Variants in CAMSAP3 observed in about 807,000 individuals in gnomAD.
CAMSAP3 encodes calmodulin-regulated spectrin-associated protein 3.
In CAMSAP3, 34 loss-of-function variants were observed where a neutral mutation model predicts 112.5. That is an observed-to-expected ratio of 0.30 (90% CI 0.23 to 0.40). The LOEUF (loss-of-function observed/expected upper bound fraction) is 0.40, where lower values mean the gene tolerates loss of function less well. CAMSAP3 is among the 10% of genes least tolerant of loss of function. CAMSAP3 has a pLI of 1.00. For synonymous variants in CAMSAP3, 868 were observed against 799.8 expected (o/e 1.09, Z -1.44); for missense variants, 1,602 against 1,770.3 (o/e 0.90, Z 1.71).
Position 7,612,287 on chromosome 19 carries a change from G to C in CAMSAP3, c.1794G>C (p.Ser598=). 1.2e-6 allele frequency: 2 copies of C among 1,601,858 alleles called. No homozygotes were observed. The highest frequency in any genetic ancestry group is 1.7e-6 in the Non-Finnish European group (2 of 1,175,156). The change falls in exon 11 of 17, where the codon TCG becomes TCC. Residue 598 remains serine (S), a synonymous_variant. Transcript: ENST00000160298. The part of the protein sequence containing the change: ...STPAPPEALS[S]EMSELSARLE... ...CGGCCCCGCCGGAGGCCCTGAGCTCGGAGATGAGTGAGCTCAGCGCCCGGC... is the reference window on the plus strand; with the variant it reads ...CGGCCCCGCCGGAGGCCCTGAGCTCCGAGATGAGTGAGCTCAGCGCCCGGC...
In CAMSAP3 at chr19:7,618,061, C is replaced by T. The variant is rs1200692496; in HGVS notation, c.*4C>T. ...GGGCGGCGGCACCCCCAAATAGCCC[C>T]ACCCGGGCGGTCCACGGGCCGGGCC... On this transcript the variant is annotated 3_prime_UTR_variant, in exon 17 of 17. Transcript: ENST00000160298. 1 of 1,609,234 alleles carries T rather than the reference C, an allele frequency of 6.2e-7. No individual in the cohort carries two copies. The highest frequency in any genetic ancestry group is 8.5e-7 in the Non-Finnish European group (1 of 1,177,946).
chr19:7,612,427 C>G lies in CAMSAP3; in HGVS notation c.1934C>G (p.Ala645Gly). The G allele has an allele frequency of 6.3e-7, 1 of 1,592,516 alleles. No homozygotes were observed. The highest frequency in any genetic ancestry group is 8.5e-7 in the Non-Finnish European group (1 of 1,171,956). The change falls in exon 11 of 17, where the codon GCC (alanine) becomes GGC (glycine). Residue 645 changes from alanine (A) to glycine (G), a missense_variant. Ala to Gly is a moderately conservative substitution (Grantham distance 60). Around this residue, in one of 6 missense-constraint regions of CAMSAP3, gnomAD observed 1,100 missense variants for 1,135.7 expected, o/e 0.97. Transcript: ENST00000160298. ...SAFLQVQPRE[A>G]SGEAEAEAEE... ...TTCCTGCAGGTGCAGCCGCGGGAAG[C>G]CTCTGGGGAGGCGGAAGCAGAGGCG...
At chr19:7,606,150 A>AACCCCCCCCCCCCCCCCC in intron 2 of CAMSAP3, 121 bp from the exon 3 acceptor site, 4 of 265,232 alleles carry the variant, frequency 1.5e-5, no homozygotes, top group Admixed American at 4.9e-5. Context: ...CGCCCCCTCA[A>AACCCCCCCCCCCCCCCCC]GCCCCACCCC....
In CAMSAP3 at chr19:7,611,005, G is replaced by A. The variant is rs1047730829; in HGVS notation, c.1049+74G>A. The A allele has an allele frequency of 1.1e-5, 18 of 1,585,308 alleles. No individual in the cohort carries two copies. Among genetic ancestry groups the A allele is most frequent in the Non-Finnish European group, 1.6e-5 (18 of 1,158,498 alleles). ...CCATGTCTGCCTTGCTGAGCACTGG[G>A]ACGCAGCTGGGTGATGCTGTTGTCT... is the stretch of plus-strand genomic sequence containing the variant. On this transcript the variant is annotated intron_variant, in intron 8 of 16. Coordinates refer to ENST00000160298, the MANE Select transcript of CAMSAP3 (RefSeq NM_020902.2). The surrounding 1 kb of genome is among the most constrained non-coding windows in gnomAD (Gnocchi z 6.9).
chr19:7,608,178 C>T lies in CAMSAP3; in HGVS notation c.674C>T (p.Thr225Met), dbSNP rs775114177. The T allele has an allele frequency of 4.3e-5, 69 of 1,612,474 alleles. No individual in the cohort carries two copies. The Admixed American group carries it at 7.2e-4, about 17-fold the overall frequency. The stretch of plus-strand genomic sequence containing the variant: ...GCGCGACGTGCCCCCTGCTTCCCGA[C>T]GGTGACCAGCCTCCAGGACCTGGCC... ...VVARRAPCFP[T>M]VTSLQDLASG... is the part of the protein sequence containing the mutation. Residue 225 changes from threonine (T) to methionine (M), a missense_variant, in exon 5 of 17, where the codon ACG (threonine) becomes ATG (methionine). By Grantham distance (81) the Thr-to-Met change is moderately conservative. Transcript: ENST00000160298.
intron 1 of CAMSAP3, among the ~76,000 whole-genome samples, chr19:7,596,465 G>A (rs374170779): frequency 6.6e-6 from 1 of 151,970 alleles, no homozygotes; most frequent in Non-Finnish European, 1.5e-5. Flanking sequence ...GGGTCTCCCC[G>A]TGCGGACCTC....
chr19:7,618,132 TC>T lies in CAMSAP3; in HGVS notation c.*77del. Reference sequence around the variant, plus strand: ...CCCCTGGAGGACAGTCAGTCGGTATTCCTGGGTCCTGTCTGTCCCCAACCGT... The same window carrying T: ...CCCCTGGAGGACAGTCAGTCGGTATTCTGGGTCCTGTCTGTCCCCAACCGT... On this transcript the variant is annotated 3_prime_UTR_variant, in exon 17 of 17. Coordinates refer to ENST00000160298, the MANE Select transcript of CAMSAP3 (RefSeq NM_020902.2). 6.7e-7 allele frequency: 1 copy of T among 1,495,548 alleles called. No individual in the cohort carries two copies. The highest frequency in any genetic ancestry group is 9.0e-7 in the Non-Finnish European group (1 of 1,107,266). 92.6% of individuals were successfully genotyped at this position (1,495,548 alleles called of 1,614,324 possible). A position where few individuals can be genotyped will look rare whatever the true frequency, so the allele number is the denominator to read the frequency against.
In CAMSAP3 at chr19:7,612,637, G is replaced by A. The variant is rs1202134383; in HGVS notation, c.2144G>A (p.Arg715Gln). The change falls in exon 11 of 17, where the codon CGG becomes CAG. Residue 715 changes from arginine to glutamine, a missense_variant. Physicochemically the swap from Arg to Gln is conservative, Grantham distance 43. Transcript: ENST00000160298. ...KLSAALSSLQ[R>Q]DMQRLTDQQQ... Reference sequence around the variant, plus strand: ...AGTGCCGCCTTGAGCTCGCTGCAGCGGGACATGCAGAGGCTCACGGACCAG... The same window carrying A: ...AGTGCCGCCTTGAGCTCGCTGCAGCAGGACATGCAGAGGCTCACGGACCAG... The A allele has an allele frequency of 3.9e-6, 6 of 1,520,024 alleles. No homozygotes were observed. The highest frequency in any genetic ancestry group is 4.4e-6 in the Non-Finnish European group (5 of 1,135,354). 94.2% of individuals were successfully genotyped at this position (1,520,024 alleles called of 1,614,324 possible).
chr19:7,614,788 C>G lies in CAMSAP3; in HGVS notation c.2671-395C>G, dbSNP rs139625906. ...TCCCCTCTGCCTGGAACGCTCTGCT[C>G]TGTACGCCCACCTAGTTAAATCCTG... On this transcript the variant is annotated intron_variant, in intron 11 of 16. Coordinates refer to ENST00000160298, the MANE Select transcript of CAMSAP3 (RefSeq NM_020902.2). The G allele has an allele frequency of 1.1e-3, 332 of 291,906 alleles. 3 individuals carry two copies. The highest frequency in any genetic ancestry group is 6.9e-3 in the African/African-American group (314 of 45,340). The allele number at this position is 291,906 out of a possible 1,614,324, so 18.1% of individuals were successfully genotyped here. A position where few individuals can be genotyped will look rare whatever the true frequency, so the allele number is the denominator to read the frequency against.
chr19:7,610,514 C>G lies in CAMSAP3; in HGVS notation c.799C>G (p.Leu267Val), dbSNP rs1318265238. The change falls in exon 6 of 17, where the codon CTG becomes GTG. Residue 267 changes from leucine (L) to valine (V), a missense_variant. Transcript: ENST00000160298. This position sits in a 1 kb window ranked among gnomAD's most constrained non-coding sequence, Gnocchi z 4.9. Reference protein sequence around the residue: ...LKDPMSVADSLYNLQLVQDFC... With the variant: ...LKDPMSVADSVYNLQLVQDFC... ...GGACCCCATGTCTGTGGCGGACAGC[C>G]TGTACAACCTCCAGCTCGTGCAGGA... 1 of 1,613,526 alleles carries G rather than the reference C, an allele frequency of 6.2e-7. No homozygotes were observed. The highest frequency in any genetic ancestry group is 2.2e-5 in the East Asian group (1 of 44,876).
rs906705741 is a variant in CAMSAP3, at chr19:7,607,630, G to C, written c.622-496G>C. Among the ~76,000 whole-genome samples, 1 of 152,242 alleles carries C rather than the reference G, an allele frequency of 6.6e-6. No individual in the cohort carries two copies. Among genetic ancestry groups the C allele is most frequent in the Non-Finnish European group, 1.5e-5 (1 of 67,992 alleles). On this transcript the variant is annotated intron_variant, in intron 4 of 16. Coordinates refer to ENST00000160298, the MANE Select transcript of CAMSAP3 (RefSeq NM_020902.2). This position sits in a 1 kb window ranked among gnomAD's most constrained non-coding sequence, Gnocchi z 4.9. ...AGGAGGATTCCCCGCATAAGAGGGG[G>C]TTCCTACTCTGTGGGGTCCCTTGGG...
intron 1 of CAMSAP3, among the ~76,000 whole-genome samples, chr19:7,598,310 T>G (rs996751193): frequency 3.3e-5 from 5 of 150,716 alleles, no homozygotes; most frequent in African/African-American, 4.9e-5. Context: ...CAGCAGGGAG[T>G]TCTCAGAGAA....
At position 7,607,932 on chromosome 19, in the gene CAMSAP3, C is replaced by A; in HGVS notation, c.622-194C>A. 1.2e-6 allele frequency: 1 copy of A among 828,184 alleles called. No homozygotes were observed. Among genetic ancestry groups the A allele is most frequent in the Non-Finnish European group, 2.0e-6 (1 of 491,782 alleles). The allele number at this position is 828,184 out of a possible 1,614,324, so 51.3% of individuals were successfully genotyped here. ...TCCCCAGCCCCCGCTGCTGGCCTGG[C>A]TGCTCGAAGACATCTCCTCTGCCTC... On this transcript the variant is annotated intron_variant, in intron 4 of 16. Transcript: ENST00000160298. The surrounding 1 kb of genome is among the most constrained non-coding windows in gnomAD (Gnocchi z 4.9).
intron 11 of CAMSAP3, among the ~76,000 whole-genome samples, chr19:7,614,442 G>T (rs1276538273): frequency 6.7e-6 from 1 of 149,900 alleles, no homozygotes; most frequent in East Asian, 2.1e-4. Flanking sequence ...CACCTCCTGG[G>T]TTTAAGTGAT....
At position 7,612,393 on chromosome 19, in the gene CAMSAP3, A is replaced by G; in HGVS notation, c.1900A>G (p.Lys634Glu). The G allele has an allele frequency of 6.3e-7, 1 of 1,597,560 alleles. No homozygotes were observed. Among genetic ancestry groups the G allele is most frequent in the Non-Finnish European group, 8.5e-7 (1 of 1,174,902 alleles). Residue 634 changes from lysine to glutamate, a missense_variant, in exon 11 of 17, where the codon AAA becomes GAA. Physicochemically the swap from Lys to Glu is moderately conservative, Grantham distance 56. Around this residue, in one of 6 missense-constraint regions of CAMSAP3, gnomAD observed 1,100 missense variants for 1,135.7 expected, o/e 0.97. Coordinates refer to ENST00000160298, the MANE Select transcript of CAMSAP3 (RefSeq NM_020902.2). ...IFAKHRQRLGKSAFLQVQPRE... is the reference protein window; with the variant it reads ...IFAKHRQRLGESAFLQVQPRE... Reference sequence around the variant, plus strand: ...CGCCAAGCACCGCCAGCGGCTGGGCAAAAGCGCCTTCCTGCAGGTGCAGCC... The same window carrying G: ...CGCCAAGCACCGCCAGCGGCTGGGCGAAAGCGCCTTCCTGCAGGTGCAGCC...
At chr19:7,604,113 C>T (rs1206479849) in intron 1 of CAMSAP3, among the ~76,000 whole-genome samples, 4 of 152,104 alleles carry the variant, frequency 2.6e-5, no homozygotes, top group Non-Finnish European at 5.9e-5. Flanking sequence ...CCAGCCTGGG[C>T]GACAGAGAGA....
In CAMSAP3 at chr19:7,614,853, G is replaced by T. The variant is rs2030695317; in HGVS notation, c.2671-330G>T. 3.2e-5 allele frequency: 14 copies of T among 442,772 alleles called. No homozygotes were observed. The South Asian group carries it at 3.5e-4, about 11-fold the overall frequency. 27.4% of individuals were successfully genotyped at this position (442,772 alleles called of 1,614,324 possible). ...TACTTCCTCTGGGAAGCCTTCCTGGGTGTCTCCAGGCCAGGCCGGGGTCCT... is the reference window on the plus strand; with the variant it reads ...TACTTCCTCTGGGAAGCCTTCCTGGTTGTCTCCAGGCCAGGCCGGGGTCCT... On this transcript the variant is annotated intron_variant, in intron 11 of 16. Transcript: ENST00000160298.
intron 1 of CAMSAP3, among the ~76,000 whole-genome samples, chr19:7,596,955 C>T (rs1452437156): frequency 2.0e-5 from 3 of 152,116 alleles, no homozygotes; most frequent in South Asian, 2.1e-4. Flanking sequence ...GGGAGGATGC[C>T]GTAATCCCGG....
In CAMSAP3 at chr19:7,608,044, C is replaced by T. The variant is rs559545477; in HGVS notation, c.622-82C>T. The stretch of plus-strand genomic sequence containing the variant: ...TTCCCGCCCCCTCATGGCGGAAACC[C>T]CAGGCCTCCCTGCCCAGCCTGCATG... On this transcript the variant is annotated intron_variant, in intron 4 of 16. Transcript: ENST00000160298. 6 of 1,538,210 alleles carry T rather than the reference C, an allele frequency of 3.9e-6. No homozygotes were observed. In the East Asian group the frequency reaches 1.4e-4, roughly 35 times the overall value.
Sources: gnomAD v4.1 joint callset for allele counts (sites outside exome capture counted in the v4.1 genomes callset) on GRCh38, gnomAD v4.1.1 for gene constraint, gnomAD v4.1.1 regional missense constraint, Gnocchi (gnomAD v3.1) non-coding constraint, MANE v1.5 for transcripts, NCBI Gene and HGNC (gene_info 2026-07-23, HGNC 2026-07-21) for gene names.